GALNT14: variants seen among roughly 807,000 people sequenced by gnomAD.
GALNT14 encodes polypeptide N-acetylgalactosaminyltransferase 14.
In GALNT14, 60 loss-of-function variants were observed where a neutral mutation model predicts 77.5. That is an observed-to-expected ratio of 0.77 (90% CI 0.63 to 0.96). The LOEUF (loss-of-function observed/expected upper bound fraction) is 0.96. Ranked by LOEUF, GALNT14 falls within the 40% of genes least tolerant of loss-of-function variation. The probability of loss-of-function intolerance (pLI) is 0.00; values close to 1 mark genes in which losing one functional copy is unlikely to be tolerated. For missense variants in GALNT14, 710 were observed against 731.0 expected (o/e 0.97, Z 0.33); for synonymous variants, 280 against 281.7 (o/e 0.99, Z 0.06).
rs141737210 is a variant in GALNT14 at position 30,937,082 on chromosome 2, A to G, written c.932-4888T>C. On this transcript the variant is annotated intron_variant, in intron 9 of 14. Coordinates refer to ENST00000349752, the MANE Select transcript of GALNT14 (RefSeq NM_024572.4). ...CATCTGGGGGAAAAGCTGACTTGCT[A>G]TCACACTTGTATGCTCTTCTCAGAT... Among the ~76,000 whole-genome samples the G allele has an allele frequency of 7.2e-5, 11 of 152,340 alleles. No individual in the cohort carries two copies. The East Asian group carries it at 1.7e-3, about 24-fold the overall frequency.
intron 2 of GALNT14, among the ~76,000 whole-genome samples, chr2:30,970,777 A>T (rs1204310687): frequency 1.3e-5 from 2 of 152,102 alleles, no homozygotes; most frequent in African/African-American, 4.8e-5. Flanking sequence ...GTGGGGTGCC[A>T]TCCCCCACCT....
chr2:31,035,864 G>C (rs1573211985), intron 1 of GALNT14, among the ~76,000 whole-genome samples: 1 of 151,986 alleles, frequency 6.6e-6, no homozygotes, highest in South Asian at 2.1e-4. Flanking sequence ...ACTGTAGGGT[G>C]GATGGTGGGA....
intron 10 of GALNT14, among the ~76,000 whole-genome samples, chr2:30,931,001 A>G (rs1036461582): frequency 6.6e-6 from 1 of 152,182 alleles, no homozygotes; most frequent in Admixed American, 6.5e-5. Context: ...AGGCGGCCAC[A>G]TGGCTCCTGC....
intron 1 of GALNT14, among the ~76,000 whole-genome samples, chr2:31,084,515 C>G (rs1479366533): frequency 6.6e-6 from 1 of 152,178 alleles, no homozygotes; most frequent in Non-Finnish European, 1.5e-5. Context: ...CTTTAGTGCC[C>G]TGAGGTGATG....
Position 30,929,432 on chromosome 2 carries a change from C to T in GALNT14, c.1114G>A (p.Ala372Thr), listed in dbSNP as rs531692673. The T allele has an allele frequency of 1.2e-5, 19 of 1,614,138 alleles. No homozygotes were observed. The highest frequency in any genetic ancestry group is 6.7e-5 in the African/African-American group (5 of 75,050). The change falls in exon 11 of 15, where the codon GCT (alanine) becomes ACT (threonine). Residue 372 changes from alanine (A) to threonine (T), a missense_variant. Transcript: ENST00000349752. ...CTCTCCAGGGCGAATGGCCGGGCAG[C>T]GTAATAGTATTGCTTGTATTCATCC... ...WMDEYKQYYY[A>T]ARPFALERPF...
At position 31,128,415 on chromosome 2, in the gene GALNT14, C is replaced by T. The variant is rs559158727; in HGVS notation, c.129+9543G>A. ...CTAAAGTCACTTCCTGGAGTCATTTCCCCAGGCACTTGCTTGCATTTCAAA... is the reference window on the plus strand; with the variant it reads ...CTAAAGTCACTTCCTGGAGTCATTTTCCCAGGCACTTGCTTGCATTTCAAA... On this transcript the variant is annotated intron_variant, in intron 1 of 14. Coordinates refer to ENST00000349752, the MANE Select transcript of GALNT14 (RefSeq NM_024572.4). Among the ~76,000 whole-genome samples the T allele has an allele frequency of 1.1e-3, 172 of 152,276 alleles. 1 individual carries two copies. The highest frequency in any genetic ancestry group is 4.0e-3 in the African/African-American group (168 of 41,562).
At chr2:30,946,578 A>G (rs1666712676) in intron 6 of GALNT14, among the ~76,000 whole-genome samples, 2 of 152,280 alleles carry the variant, frequency 1.3e-5, no homozygotes, top group South Asian at 4.2e-4. Context: ...TGCCAGCATC[A>G]TGCTTCCTAT....
At chr2:31,101,027 T>G (rs1677248531) in intron 1 of GALNT14, among the ~76,000 whole-genome samples, 1 of 152,070 alleles carries the variant, frequency 6.6e-6, no homozygotes, top group Non-Finnish European at 1.5e-5. Flanking sequence ...GAAGGCATAT[T>G]CTTTTTTTAC....
chr2:30,989,558 C>T (rs1669524090), intron 2 of GALNT14, among the ~76,000 whole-genome samples: 1 of 43,324 alleles, frequency 2.3e-5, no homozygotes, highest in African/African-American at 1.4e-4. Context: ...TAGGTAAATA[C>T]CTTATATATA....
At chr2:30,934,770 T>C (rs536225733) in intron 9 of GALNT14, among the ~76,000 whole-genome samples, 1 of 152,182 alleles carries the variant, frequency 6.6e-6, no homozygotes, top group Non-Finnish European at 1.5e-5. Context: ...CTCTGAGCAT[T>C]TTCCTGACAC....
intron 1 of GALNT14, among the ~76,000 whole-genome samples, chr2:31,088,983 G>A (rs1031063717): frequency 1.3e-5 from 2 of 152,220 alleles, no homozygotes; most frequent in African/African-American, 4.8e-5. Flanking sequence ...GGAAAGATGA[G>A]CAGCTTAGAT....
At chr2:31,057,184 T>C (rs1267122211) in intron 1 of GALNT14, among the ~76,000 whole-genome samples, 6 of 151,360 alleles carry the variant, frequency 4.0e-5, no homozygotes, top group Non-Finnish European at 8.8e-5. Flanking sequence ...TTCGGTACTA[T>C]GCTCATTACC....
At chr2:30,978,742 C>T (rs1668798306) in intron 2 of GALNT14, among the ~76,000 whole-genome samples, 1 of 152,182 alleles carries the variant, frequency 6.6e-6, no homozygotes, top group African/African-American at 2.4e-5. Flanking sequence ...TCAGCTGATA[C>T]TGATGGACAG....
rs778426622 is a variant in GALNT14, at chr2:30,944,966, T to G, written c.743-24A>C. 2.5e-5 allele frequency: 40 copies of G among 1,575,846 alleles called. No homozygotes were observed. The African/African-American group carries it at 5.0e-4, about 20-fold the overall frequency. ...CCCTACAACACAGCACCAACCCACC[T>G]GCTTTGGTCTCTCAAAAGCACTTGC... On this transcript the variant is annotated intron_variant, in intron 7 of 14. Transcript: ENST00000349752.
intron 1 of GALNT14, among the ~76,000 whole-genome samples, chr2:31,046,435 A>T (rs1466293491): frequency 6.6e-6 from 1 of 152,070 alleles, no homozygotes; most frequent in Non-Finnish European, 1.5e-5. Flanking sequence ...TCACTATGTT[A>T]GCCAGGATGG....
At chr2:30,943,978 T>C (rs1666533149) in intron 8 of GALNT14, among the ~76,000 whole-genome samples, 1 of 152,318 alleles carries the variant, frequency 6.6e-6, no homozygotes, top group Admixed American at 6.5e-5. Context: ...AAATACTTAC[T>C]ATGTGGCAAC....
At chr2:31,097,135 G>T (rs1677042898) in intron 1 of GALNT14, among the ~76,000 whole-genome samples, 1 of 152,094 alleles carries the variant, frequency 6.6e-6, no homozygotes, top group Non-Finnish European at 1.5e-5. Flanking sequence ...AGGATAACTA[G>T]ATACAGTGAT....
chr2:31,069,214 T>C (rs6713789), intron 1 of GALNT14, among the ~76,000 whole-genome samples: 94,174 of 152,058 alleles, frequency 0.62, 30,170 homozygotes, highest in African/African-American at 0.79. Context: ...CCTTTATCTT[T>C]CTTCTATAGA....
At chr2:31,031,629 T>C (rs544941370) in intron 1 of GALNT14, among the ~76,000 whole-genome samples, 5 of 152,260 alleles carry the variant, frequency 3.3e-5, no homozygotes, top group African/African-American at 1.2e-4. Flanking sequence ...CCCCAAACTG[T>C]TACACCTTGT....
Sources: gnomAD v4.1 joint callset for allele counts (sites outside exome capture counted in the v4.1 genomes callset) on GRCh38, gnomAD v4.1.1 for gene constraint, MANE v1.5 for transcripts, NCBI Gene and HGNC (gene_info 2026-07-23, HGNC 2026-07-21) for gene names.